CTDSPL2: variants seen among roughly 807,000 people sequenced by gnomAD.
The protein encoded by CTDSPL2 is CTD small phosphatase like 2, also known as CTD small phosphatase-like protein 2.
CTDSPL2 carries 5 observed loss-of-function variants against 60.0 expected under a neutral mutation model. The ratio of observed to expected loss-of-function variants is 0.08; its 90% CI spans 0.04 to 0.18. CTDSPL2 has a LOEUF of 0.18. Among genes scored for constraint, CTDSPL2 ranks in the 10% least tolerant of loss-of-function variants. The pLI is 1.00. For missense variants in CTDSPL2, 370 were observed against 548.8 expected (o/e 0.67, Z 3.26); for synonymous variants, 186 against 189.3 (o/e 0.98, Z 0.14).
In CTDSPL2 at chr15:44,480,308, T is replaced by G. The variant is rs75262070; in HGVS notation, c.187-3916T>G. On this transcript the variant is annotated intron_variant, in intron 2 of 12. Coordinates refer to ENST00000260327, the MANE Select transcript of CTDSPL2 (RefSeq NM_016396.3). ...ACCTACCTGTTAGGTATTTGGGGCT[T>G]CTTTTCTCAGGTGTGCCACCTCACT... 2.5e-3 allele frequency among the ~76,000 whole-genome samples: 384 copies of G among 152,308 alleles called. 2 individuals carry two copies. The highest frequency in any genetic ancestry group is 8.6e-3 in the African/African-American group (359 of 41,576).
At chr15:44,507,865 G>A (rs2081497074) in intron 8 of CTDSPL2, among the ~76,000 whole-genome samples, 1 of 152,146 alleles carries the variant, frequency 6.6e-6, no homozygotes, top group South Asian at 2.1e-4. Flanking sequence ...CACTTTGAAT[G>A]TACCAGACAC....
At position 44,525,339 on chromosome 15, in the gene CTDSPL2, A is replaced by T. The variant is rs75554011; in HGVS notation, c.*1165A>T. 912 of 398,664 alleles carry T rather than the reference A, an allele frequency of 2.3e-3. 11 individuals are homozygous for T. Among genetic ancestry groups the T allele is most frequent in the African/African-American group, 0.017 (839 of 48,734 alleles). 24.7% of individuals were successfully genotyped at this position (398,664 alleles called of 1,614,324 possible). A position where few individuals can be genotyped will look rare whatever the true frequency, so the allele number is the denominator to read the frequency against. On this transcript the variant is annotated 3_prime_UTR_variant, in exon 13 of 13. Coordinates refer to ENST00000260327, the MANE Select transcript of CTDSPL2 (RefSeq NM_016396.3). ...GCTCTCATAGTGGTTTTTCTATGCT[A>T]TATGAAAATAGTCTTCAAGCCTTGG...
At position 44,527,666 on chromosome 15, in the gene CTDSPL2, T is replaced by G. The variant is rs1021549363; in HGVS notation, c.*3492T>G. Reference sequence around the variant, plus strand: ...TTTGTCTTCCTAGGTATTTATTTGTTATCTTTTAATCTTGTGTATCTAAAT... The same window carrying G: ...TTTGTCTTCCTAGGTATTTATTTGTGATCTTTTAATCTTGTGTATCTAAAT... On this transcript the variant is annotated 3_prime_UTR_variant, in exon 13 of 13. Transcript: ENST00000260327. The G allele has an allele frequency of 6.6e-6, 1 of 152,228 alleles. No homozygotes were observed. Among genetic ancestry groups the G allele is most frequent in the African/African-American group, 2.4e-5 (1 of 41,462 alleles). The allele number at this position is 152,228 out of a possible 1,614,324, so 9.4% of individuals were successfully genotyped here. A position where few individuals can be genotyped will look rare whatever the true frequency, so the allele number is the denominator to read the frequency against.
At chr15:44,511,937 C>T (rs1030286968) in intron 8 of CTDSPL2, among the ~76,000 whole-genome samples, 1 of 148,050 alleles carries the variant, frequency 6.8e-6, no homozygotes, top group Non-Finnish European at 1.5e-5. Flanking sequence ...TGCCTATAAT[C>T]CCAGCACTTT....
chr15:44,511,882 A>AG (rs2081572584), intron 8 of CTDSPL2, among the ~76,000 whole-genome samples: 1 of 151,350 alleles, frequency 6.6e-6, no homozygotes, highest in South Asian at 2.1e-4. Context: ...AAAAAAAAAA[A>AG]AAAAAAAAAA....
chr15:44,447,524 A>G (rs1406500710), intron 1 of CTDSPL2: 1 of 152,286 alleles, frequency 6.6e-6, no homozygotes. Context: ...CCAACAAGTT[A>G]AAATAGTTAA....
At chr15:44,506,054 G>A (rs1343753847) in intron 8 of CTDSPL2, among the ~76,000 whole-genome samples, 1 of 118,524 alleles carries the variant, frequency 8.4e-6, no homozygotes, top group Non-Finnish European at 1.7e-5. Flanking sequence ...TTTTGAGACA[G>A]AGTCTCAATC....
chr15:44,450,509 T>C (rs536522310), intron 1 of CTDSPL2, among the ~76,000 whole-genome samples: 33 of 152,066 alleles, frequency 2.2e-4, no homozygotes, highest in Admixed American at 8.5e-4. Context: ...CAGTTTATTT[T>C]CCAACAAGTC....
At chr15:44,502,263 A>C (rs1397166653) in intron 8 of CTDSPL2, among the ~76,000 whole-genome samples, 1 of 151,984 alleles carries the variant, frequency 6.6e-6, no homozygotes, top group African/African-American at 2.4e-5. Context: ...ATATATGTAT[A>C]TATATTTTAT....
intron 8 of CTDSPL2, among the ~76,000 whole-genome samples, chr15:44,500,549 T>C (rs1322771027): frequency 6.6e-6 from 1 of 152,188 alleles, no homozygotes; most frequent in African/African-American, 2.4e-5. Context: ...TATATAATAG[T>C]TGAAAGATTG....
rs181234576 is a variant in CTDSPL2 at position 44,473,280 on chromosome 15, G to A, written c.187-10944G>A. Reference sequence around the variant, plus strand: ...AAGAAACTATTGGCAAAATCAGGGTGACAAAGATTTATCCCTAGATTTTCT... The same window carrying A: ...AAGAAACTATTGGCAAAATCAGGGTAACAAAGATTTATCCCTAGATTTTCT... On this transcript the variant is annotated intron_variant, in intron 2 of 12. Transcript: ENST00000260327. Among the ~76,000 whole-genome samples, 10 of 152,228 alleles carry A rather than the reference G, an allele frequency of 6.6e-5. No homozygotes were observed. In the East Asian group the frequency reaches 1.9e-3, roughly 29 times the overall value.
At chr15:44,443,601 T>C (rs2080138221) in intron 1 of CTDSPL2, among the ~76,000 whole-genome samples, 1 of 152,242 alleles carries the variant, frequency 6.6e-6, no homozygotes, top group African/African-American at 2.4e-5. Flanking sequence ...ACTAGTCATC[T>C]AAATGAGTGT....
At chr15:44,500,495 C>T (rs771435855) in intron 8 of CTDSPL2, among the ~76,000 whole-genome samples, 1 of 152,066 alleles carries the variant, frequency 6.6e-6, no homozygotes, top group Non-Finnish European at 1.5e-5. Flanking sequence ...TTGCAAAGTA[C>T]GTTTCTGTTT....
chr15:44,448,940 A>G (rs999884988), intron 1 of CTDSPL2: 1 of 413,400 alleles, frequency 2.4e-6, no homozygotes, highest in Non-Finnish European at 4.5e-6. Context: ...ACAGTGCCCA[A>G]TCCATGATTT....
At chr15:44,429,456 T>G (rs1339562982) in intron 1 of CTDSPL2, among the ~76,000 whole-genome samples, 1 of 152,214 alleles carries the variant, frequency 6.6e-6, no homozygotes, top group Non-Finnish European at 1.5e-5. Context: ...TAATAAAAAT[T>G]AGTTTGCAGC....
chr15:44,438,667 G>A (rs1420067167), intron 1 of CTDSPL2, among the ~76,000 whole-genome samples: 1 of 152,162 alleles, frequency 6.6e-6, no homozygotes, highest in Non-Finnish European at 1.5e-5. Context: ...AGTGAATTCA[G>A]TTTTGGGTGA....
intron 1 of CTDSPL2, among the ~76,000 whole-genome samples, chr15:44,431,257 C>T (rs112179265): frequency 7.0e-4 from 107 of 152,180 alleles, no homozygotes; most frequent in Non-Finnish European, 1.3e-3. Context: ...CCACTGCACC[C>T]GGCTCATGAT....
At chr15:44,502,465 G>C (rs569641302) in intron 8 of CTDSPL2, among the ~76,000 whole-genome samples, 3 of 151,870 alleles carry the variant, frequency 2.0e-5, no homozygotes, top group African/African-American at 7.3e-5. Flanking sequence ...TCTATATCAG[G>C]GGTTGGCAAC....
intron 1 of CTDSPL2, among the ~76,000 whole-genome samples, chr15:44,458,470 A>G (rs1243236115): frequency 6.6e-6 from 1 of 152,192 alleles, no homozygotes; most frequent in African/African-American, 2.4e-5. Context: ...CTGTTGTTAC[A>G]CTTATATGGT....
Sources: allele counts gnomAD v4.1 joint callset (sites outside exome capture counted in the v4.1 genomes callset), GRCh38; gene constraint gnomAD v4.1.1; transcripts MANE v1.5; gene names NCBI Gene and HGNC (gene_info 2026-07-23, HGNC 2026-07-21).